DUSP22: variants seen among roughly 807,000 people sequenced by gnomAD.
DUSP22 encodes dual specificity phosphatase 22, also known as dual specificity protein phosphatase 22.
Under a neutral mutation model 24.5 loss-of-function variants are expected in DUSP22, and 24 were observed. The observed-to-expected ratio is 0.98, with a 90% CI of 0.71 to 1.38. The LOEUF is 1.38. Among genes scored for constraint, DUSP22 ranks in the 40% most tolerant of loss-of-function variants. The pLI is 0.00. For missense variants in DUSP22, 330 were observed against 269.2 expected (o/e 1.23, Z -1.58); for synonymous variants, 160 against 106.4 (o/e 1.50, Z -3.10).
At chr6:316,356 T>TAGAAAGTAAG (rs1175507765) in intron 3 of DUSP22, among the ~76,000 whole-genome samples, 1 of 152,306 alleles carries the variant, frequency 6.6e-6, no homozygotes, top group Non-Finnish European at 1.5e-5. Context: ...TTAATTTCAA[T>TAGAAAGTAAG]AGAAAGTAAG....
chr6:349,931 G>C lies in DUSP22; in HGVS notation c.*980G>C. On this transcript the variant is annotated 3_prime_UTR_variant, in exon 7 of 7. Coordinates refer to ENST00000419235, the MANE Select transcript of DUSP22 (RefSeq NM_001286555.3). The stretch of plus-strand genomic sequence containing the variant: ...CTTCATTCACTCCCAGCCTCTCGCT[G>C]TCCTCACTTTGCAGGGGCTCCTCCT... 1 of 985,894 alleles carries C rather than the reference G, an allele frequency of 1.0e-6. No individual in the cohort carries two copies. The highest frequency in any genetic ancestry group is 1.2e-6 in the Non-Finnish European group (1 of 830,152). The allele number at this position is 985,894 out of a possible 1,614,324, so 61.1% of individuals were successfully genotyped here.
intron 3 of DUSP22, among the ~76,000 whole-genome samples, chr6:321,238 C>T (rs968941988): frequency 6.6e-6 from 1 of 152,304 alleles, no homozygotes; most frequent in Non-Finnish European, 1.5e-5. Flanking sequence ...TGTGTCCTGG[C>T]ACTTTGGGAG....
intron 3 of DUSP22, among the ~76,000 whole-genome samples, chr6:317,643 A>G (rs1408190873): frequency 6.6e-6 from 1 of 152,306 alleles, no homozygotes; most frequent in Admixed American, 6.5e-5. Context: ...GATATTAAGC[A>G]TCCATTTAAC....
intron 3 of DUSP22, among the ~76,000 whole-genome samples, chr6:321,412 G>T (rs1480567892): frequency 6.6e-6 from 1 of 152,306 alleles, no homozygotes; most frequent in Non-Finnish European, 1.5e-5. Context: ...GCAGGATGTT[G>T]TCTCAAGGTT....
chr6:303,481 C>T (rs1757677738), intron 1 of DUSP22, among the ~76,000 whole-genome samples: 1 of 152,300 alleles, frequency 6.6e-6, no homozygotes, highest in Non-Finnish European at 1.5e-5. Flanking sequence ...AGCCGGTGGT[C>T]AGGAAGATGC....
chr6:335,727 G>A (rs952020383), intron 4 of DUSP22, among the ~76,000 whole-genome samples: 24 of 152,420 alleles, frequency 1.6e-4, no homozygotes, highest in East Asian at 3.8e-4. Context: ...GGGCTCTGGC[G>A]TGCTGTTTCA....
intron 2 of DUSP22, among the ~76,000 whole-genome samples, chr6:308,509 G>A (rs566358814): frequency 2.0e-4 from 30 of 152,414 alleles, no homozygotes; most frequent in Middle Eastern, 3.4e-3. Flanking sequence ...GCTAGCGTGC[G>A]GTGAGGAAGA....
In DUSP22 at chr6:351,117, G is replaced by T; in HGVS notation, c.*2166G>T. On this transcript the variant is annotated 3_prime_UTR_variant, in exon 7 of 7. Transcript: ENST00000419235. Reference sequence around the variant, plus strand: ...TCGCTTGGATGCCTGTAAGGATCCCGGGAGCCTTGCCGCACTGCCTTGTGG... The same window carrying T: ...TCGCTTGGATGCCTGTAAGGATCCCTGGAGCCTTGCCGCACTGCCTTGTGG... The T allele has an allele frequency of 1.6e-6, 1 of 611,832 alleles. No homozygotes were observed. Among genetic ancestry groups the T allele is most frequent in the Non-Finnish European group, 2.7e-6 (1 of 367,320 alleles). The allele number at this position is 611,832 out of a possible 1,614,324, so 37.9% of individuals were successfully genotyped here. A position where few individuals can be genotyped will look rare whatever the true frequency, so the allele number is the denominator to read the frequency against.
chr6:324,719 A>G (rs1425728869), intron 3 of DUSP22, among the ~76,000 whole-genome samples: 1 of 152,304 alleles, frequency 6.6e-6, no homozygotes, highest in Admixed American at 6.5e-5. Context: ...TCCCAGAGGG[A>G]GGATGTGGTG....
At chr6:304,751 T>A in intron 2 of DUSP22, 90 bp downstream of exon 2, 1 of 1,558,084 alleles carries the variant, frequency 6.4e-7, no homozygotes, top group Non-Finnish European at 8.9e-7. Flanking sequence ...GGTCAGTGGC[T>A]TTAAGTAATT....
At chr6:303,407 C>T (rs1327943720) in intron 1 of DUSP22, among the ~76,000 whole-genome samples, 1 of 152,312 alleles carries the variant, frequency 6.6e-6, no homozygotes, top group Non-Finnish European at 1.5e-5. Context: ...CACTGCCGCC[C>T]TGACATGAGC....
At chr6:340,143 T>C (rs1292949907) in intron 4 of DUSP22, among the ~76,000 whole-genome samples, 1 of 152,310 alleles carries the variant, frequency 6.6e-6, no homozygotes, top group African/African-American at 2.4e-5. Flanking sequence ...AGTTTGCTTT[T>C]AAAAAGCCCT....
intron 3 of DUSP22, among the ~76,000 whole-genome samples, chr6:317,391 AGAT>A (rs1217460882): frequency 6.6e-5 from 10 of 152,308 alleles, no homozygotes; most frequent in Admixed American, 6.5e-5. Flanking sequence ...GCCAGAAGCA[AGAT>A]GATAAAGGGT....
intron 1 of DUSP22, among the ~76,000 whole-genome samples, chr6:301,047 G>A (rs1162889941): frequency 2.0e-5 from 3 of 152,306 alleles, no homozygotes; most frequent in Non-Finnish European, 4.4e-5. Flanking sequence ...GTGCAGACTT[G>A]TTACACGTGG....
intron 4 of DUSP22, among the ~76,000 whole-genome samples, chr6:342,361 TGGG>T (rs1334540600): frequency 5.3e-5 from 8 of 152,296 alleles, no homozygotes; most frequent in Non-Finnish European, 1.2e-4. Flanking sequence ...TTGGCACCCT[TGGG>T]GGGCCACAGC....
At chr6:348,493 C>T in intron 6 of DUSP22, 3 of 861,474 alleles carry the variant, frequency 3.5e-6, no homozygotes, top group Non-Finnish European at 3.5e-6. Context: ...TCTCCTTGTG[C>T]CTGGTACTCC....
chr6:336,260 C>T (rs1314299691), intron 4 of DUSP22, among the ~76,000 whole-genome samples: 3 of 152,302 alleles, frequency 2.0e-5, no homozygotes, highest in Non-Finnish European at 2.9e-5. Flanking sequence ...ACACAGCAAC[C>T]CTCCTAGAAC....
Position 349,080 on chromosome 6 carries a change from T to G in DUSP22, c.*129T>G, listed in dbSNP as rs1426918313. On this transcript the variant is annotated 3_prime_UTR_variant, in exon 7 of 7. Transcript: ENST00000419235. ...CAGGGCGAGGTGGGGCGAGGGCTCC[T>G]TCCCCCAAGCAACACCGCCCAGCCC... 1 of 1,470,702 alleles carries G rather than the reference T, an allele frequency of 6.8e-7. No individual in the cohort carries two copies. Among genetic ancestry groups the G allele is most frequent in the African/African-American group, 1.4e-5 (1 of 71,366 alleles). 91.1% of individuals were successfully genotyped at this position (1,470,702 alleles called of 1,614,324 possible).
intron 3 of DUSP22, among the ~76,000 whole-genome samples, chr6:323,772 C>G (rs1435783487): frequency 6.6e-6 from 1 of 152,310 alleles, no homozygotes; most frequent in Admixed American, 6.5e-5. Flanking sequence ...GTTCAAGGAT[C>G]ATTTCAGCTG....
Sources: gnomAD v4.1 joint callset for allele counts (sites outside exome capture counted in the v4.1 genomes callset) on GRCh38, gnomAD v4.1.1 for gene constraint, MANE v1.5 for transcripts, NCBI Gene and HGNC (gene_info 2026-07-23, HGNC 2026-07-21) for gene names.